The following ATPAF2 variants were observed in gnomAD, a reference collection of about 807,000 sequenced individuals.
ATPAF2 encodes ATP12 homolog.
In ATPAF2, 30 loss-of-function variants were observed where a neutral mutation model predicts 36.6. The observed-to-expected ratio is 0.82, with a 90% CI of 0.61 to 1.11. ATPAF2 has a LOEUF of 1.11. Among genes scored for constraint, ATPAF2 ranks in the 50% most tolerant of loss-of-function variants. The pLI, the probability that ATPAF2 is intolerant of heterozygous loss-of-function variation, is 0.00. For synonymous variants in ATPAF2, 140 were observed against 152.6 expected (o/e 0.92, Z 0.61); for missense variants, 321 against 372.3 (o/e 0.86, Z 1.13).
At chr17:18,033,361 CAAAAA>C (rs200896637) in intron 1 of ATPAF2, among the ~76,000 whole-genome samples, 1 of 64,512 alleles carries the variant, frequency 1.6e-5, no homozygotes, top group Non-Finnish European at 3.3e-5. Flanking sequence ...GACTCTGTCT[CAAAAA>C]AAAAAAAAAA....
chr17:18,026,488 AC>A, intron 3 of ATPAF2, 72 bp from the exon 4 acceptor site: 1 of 1,119,380 alleles, frequency 8.9e-7, no homozygotes, highest in Non-Finnish European at 1.4e-6. Context: ...TCCTGAGGAC[AC>A]CACATCTGAC....
In ATPAF2 at chr17:18,028,596, CAA is replaced by C. The variant is rs1168152230; in HGVS notation, c.178+17_178+18del. On this transcript the variant is annotated intron_variant, in intron 2 of 7. Transcript: ENST00000474627. ...AAAAAAAAAAAAAAAAAGAGGCAGT[CAA>C]AATTTCAGACACTCACCTTCACCCT... 14 of 1,560,862 alleles carry C rather than the reference CAA, an allele frequency of 9.0e-6. No homozygotes were observed. In the Admixed American group the frequency reaches 2.0e-4, roughly 22 times the overall value.
rs1052091218 is a variant in ATPAF2 at position 18,018,241 on chromosome 17, G to A, written c.*308C>T. On this transcript the variant is annotated 3_prime_UTR_variant, in exon 8 of 8. Coordinates refer to ENST00000474627, the MANE Select transcript of ATPAF2 (RefSeq NM_145691.4). ...AGAATGGAGAAGTGCAGAGGCATAC[G>A]TGAAAACAGGGCTCAGCACATTTCC... 1.4e-5 allele frequency: 6 copies of A among 428,602 alleles called. No homozygotes were observed. Among genetic ancestry groups the A allele is most frequent in the African/African-American group, 8.1e-5 (4 of 49,472 alleles). 26.5% of individuals were successfully genotyped at this position (428,602 alleles called of 1,614,324 possible).
chr17:18,019,187 C>CACACACACACACACACACACACACACACA (rs1256217214), intron 7 of ATPAF2, among the ~76,000 whole-genome samples: 17 of 40,456 alleles, frequency 4.2e-4, no homozygotes, highest in African/African-American at 1.5e-3. Flanking sequence ...ACACACACAC[C>CACACACACACACACACACACACACACACA]CCACCACCCC....
intron 3 of ATPAF2, 128 bp from the exon 4 acceptor site, chr17:18,026,544 T>C: frequency 3.9e-6 from 3 of 775,924 alleles, no homozygotes; most frequent in South Asian, 1.4e-5. Flanking sequence ...CAGAGGCGTC[T>C]GCATTACCGG....
At chr17:18,017,104 G>A (rs547677624), downstream of ATPAF2, among the ~76,000 whole-genome samples, 36 of 146,992 alleles carry the variant, frequency 2.4e-4, no homozygotes, top group Non-Finnish European at 3.0e-4. Flanking sequence ...CCTGGGAGGC[G>A]GAGGTTGCAG....
chr17:18,036,236 A>G (rs2082036143), intron 1 of ATPAF2, among the ~76,000 whole-genome samples: 1 of 152,102 alleles, frequency 6.6e-6, no homozygotes, highest in East Asian at 1.9e-4. Flanking sequence ...ACTACTTCAA[A>G]TACGCACAAA....
intron 1 of ATPAF2, among the ~76,000 whole-genome samples, chr17:18,037,655 C>A (rs2044723307): frequency 6.6e-6 from 1 of 152,164 alleles, no homozygotes; most frequent in Non-Finnish European, 1.5e-5. Context: ...CAAAGGCAAC[C>A]TAGTACTTCA....
chr17:18,016,240 T>C, downstream of ATPAF2: 1 of 1,598,756 alleles, frequency 6.3e-7, no homozygotes, highest in Admixed American at 1.7e-5. Flanking sequence ...TGAACTTTTC[T>C]AGCTGACATG....
downstream of ATPAF2, chr17:18,016,166 AACT>A: frequency 1.2e-6 from 2 of 1,614,042 alleles, no homozygotes; most frequent in Non-Finnish European, 1.7e-6. Flanking sequence ...GACCAGAATC[AACT>A]CTTGGTGTAC....
intron 7 of ATPAF2, among the ~76,000 whole-genome samples, chr17:18,019,177 A>ACACACACACACACACACACACACACAC: frequency 6.6e-6 from 1 of 151,454 alleles, no homozygotes; most frequent in East Asian, 2.0e-4. Context: ...ACACACACAC[A>ACACACACACACACACACACACACACAC]CACACACACC....
At chr17:18,017,630 A>T (rs145417138), downstream of ATPAF2, among the ~76,000 whole-genome samples, 13 of 152,356 alleles carry the variant, frequency 8.5e-5, no homozygotes, top group East Asian at 2.5e-3. Flanking sequence ...TTCGAGGAAC[A>T]GTTCAGGGAG....
downstream of ATPAF2, chr17:18,016,215 T>C: frequency 6.2e-7 from 1 of 1,608,834 alleles, no homozygotes; most frequent in Non-Finnish European, 8.5e-7. Flanking sequence ...TCCCAAGCCA[T>C]CCTAGCAGGC....
At chr17:18,019,183 A>AC (rs1555634128) in intron 7 of ATPAF2, among the ~76,000 whole-genome samples, 11 of 150,716 alleles carry the variant, frequency 7.3e-5, no homozygotes, top group African/African-American at 2.7e-4. Flanking sequence ...ACACACACAC[A>AC]CACCCCACCA....
At chr17:18,024,522 G>A (rs2044515970) in intron 5 of ATPAF2, 102 bp downstream of exon 5, 1 of 955,448 alleles carries the variant, frequency 1.0e-6, no homozygotes, top group Non-Finnish European at 1.7e-6. Flanking sequence ...TCAGAAAGCT[G>A]ACTAGCTAAG....
At chr17:18,038,322 C>T (rs570581070) in intron 1 of ATPAF2, among the ~76,000 whole-genome samples, 1 of 152,196 alleles carries the variant, frequency 6.6e-6, no homozygotes, top group Admixed American at 6.5e-5. Context: ...GTGGAGGTGA[C>T]TCCACAGTCA....
At chr17:18,035,048 G>A (rs1287216385) in intron 1 of ATPAF2, among the ~76,000 whole-genome samples, 6 of 152,090 alleles carry the variant, frequency 3.9e-5, no homozygotes, top group Admixed American at 2.6e-4. Flanking sequence ...GTCAGCCTGA[G>A]CAAGACCCCA....
intron 1 of ATPAF2, among the ~76,000 whole-genome samples, chr17:18,036,656 A>G (rs1401674289): frequency 1.3e-5 from 2 of 151,988 alleles, no homozygotes; most frequent in Non-Finnish European, 2.9e-5. Flanking sequence ...TTCACATTTG[A>G]CTACCTACCA....
chr17:18,037,578 G>A (rs577231863), intron 1 of ATPAF2, among the ~76,000 whole-genome samples: 5 of 151,818 alleles, frequency 3.3e-5, no homozygotes, highest in Admixed American at 1.3e-4. Flanking sequence ...AGGAGACTCC[G>A]TCTCAAAAAA....
Sources: allele counts gnomAD v4.1 joint callset (sites outside exome capture counted in the v4.1 genomes callset), GRCh38; gene constraint gnomAD v4.1.1; transcripts MANE v1.5; gene names NCBI Gene and HGNC (gene_info 2026-07-23, HGNC 2026-07-21).